USH1G: variants seen among roughly 807,000 people sequenced by gnomAD.
The protein encoded by USH1G is pre-mRNA splicing regulator USH1G.
A neutral mutation model predicts 31.9 loss-of-function variants in USH1G; 27 were observed. That is an observed-to-expected ratio of 0.85 (90% CI 0.62 to 1.17). The LOEUF is 1.17. Among genes scored for constraint, USH1G ranks in the 50% most tolerant of loss-of-function variants. USH1G has a pLI of 0.00. For missense variants in USH1G, 674 were observed against 638.9 expected (o/e 1.05, Z -0.59); for synonymous variants, 266 against 283.2 (o/e 0.94, Z 0.61).
Position 74,916,653 on chromosome 17 carries a change from C to T in USH1G, c.*1420G>A, listed in dbSNP as rs945508092. 1.3e-5 allele frequency: 2 copies of T among 152,298 alleles called. No individual in the cohort carries two copies. Among genetic ancestry groups the T allele is most frequent in the African/African-American group, 4.8e-5 (2 of 41,452 alleles). The allele number at this position is 152,298 out of a possible 1,614,324, so 9.4% of individuals were successfully genotyped here. ...GTCAGCGGGCTCATCAGGGACTCTC[C>T]CACATCTGTGACCTCAGTCTGGCTG... On this transcript the variant is annotated 3_prime_UTR_variant, in exon 3 of 3. Transcript: ENST00000614341.
At position 74,917,066 on chromosome 17, in the gene USH1G, G is replaced by A. The variant is rs918486002; in HGVS notation, c.*1007C>T. 1.9e-4 allele frequency: 29 copies of A among 152,150 alleles called. No individual in the cohort carries two copies. The highest frequency in any genetic ancestry group is 4.1e-4 in the South Asian group (2 of 4,824). 9.4% of individuals were successfully genotyped at this position (152,150 alleles called of 1,614,324 possible). A position where few individuals can be genotyped will look rare whatever the true frequency, so the allele number is the denominator to read the frequency against. ...CTTACACACACATGCATGCACACAC[G>A]CATACATGCACACAAACATGCACAC... On this transcript the variant is annotated 3_prime_UTR_variant, in exon 3 of 3. Coordinates refer to ENST00000614341, the MANE Select transcript of USH1G (RefSeq NM_173477.5).
Position 74,919,591 on chromosome 17 carries a change from G to A in USH1G, c.1245C>T (p.Leu415=), listed in dbSNP as rs2038907893. The A allele has an allele frequency of 3.7e-6, 6 of 1,612,630 alleles. No individual in the cohort carries two copies. The Admixed American group carries it at 8.3e-5, about 22-fold the overall frequency. ...AALLRQEKID[L]EALMLCSDLD... is the part of the protein sequence containing the mutation. ...GGTCAGAGCACAGCATCAAAGCCTC[G>A]AGGTCGATCTTCTCCTGCCGCAGGA... Residue 415 remains leucine, a synonymous_variant, in exon 2 of 3, where the codon CTC becomes CTT. Transcript: ENST00000614341. The surrounding 1 kb of genome is among the most constrained non-coding windows in gnomAD (Gnocchi z 4.5).
Position 74,923,131 on chromosome 17 carries a change from G to A in USH1G, c.-58C>T. 2 of 1,502,696 alleles carry A rather than the reference G, an allele frequency of 1.3e-6. No homozygotes were observed. Among genetic ancestry groups the A allele is most frequent in the Non-Finnish European group, 1.8e-6 (2 of 1,116,124 alleles). 93.1% of individuals were successfully genotyped at this position (1,502,696 alleles called of 1,614,324 possible). A position where few individuals can be genotyped will look rare whatever the true frequency, so the allele number is the denominator to read the frequency against. ...ACGGAGAAAGGCCCCCCGCAGGGGA[G>A]GGCGGCGGTATTAGGGCTGAGGCAT... On this transcript the variant is annotated 5_prime_UTR_variant, in exon 1 of 3. Transcript: ENST00000614341. The surrounding 1 kb of genome is among the most constrained non-coding windows in gnomAD (Gnocchi z 5.3).
At position 74,916,891 on chromosome 17, in the gene USH1G, G is replaced by GCA. The variant is rs746904393; in HGVS notation, c.*1180_*1181dup. On this transcript the variant is annotated 3_prime_UTR_variant, in exon 3 of 3. Coordinates refer to ENST00000614341, the MANE Select transcript of USH1G (RefSeq NM_173477.5). ...CGTGAGTGTGCACACACGCACACAT[G>GCA]CACACACACACACATGCATGCACAC... 46 of 152,410 alleles carry GCA rather than the reference G, an allele frequency of 3.0e-4. No homozygotes were observed. Among genetic ancestry groups the GCA allele is most frequent in the Middle Eastern group, 3.4e-3 (1 of 298 alleles). The allele number at this position is 152,410 out of a possible 1,614,324, so 9.4% of individuals were successfully genotyped here.
chr17:74,920,473 C>A lies in USH1G; in HGVS notation c.363G>T (p.Ala121=). 6.2e-7 allele frequency: 1 copy of A among 1,613,770 alleles called. No homozygotes were observed. The highest frequency in any genetic ancestry group is 8.5e-7 in the Non-Finnish European group (1 of 1,180,034). ...TGGGGTTGAGGCTGCTCTGCTTGGC[C>A]GCGATGGAGTCCAGGTAGCGCACGC... ...MECVRYLDSI[A]AKQSSLNPKL... The change falls in exon 2 of 3, where the codon GCG becomes GCT. Residue 121 remains alanine, a synonymous_variant. Coordinates refer to ENST00000614341, the MANE Select transcript of USH1G (RefSeq NM_173477.5). This position sits in a 1 kb window ranked among gnomAD's most constrained non-coding sequence, Gnocchi z 5.2.
In USH1G at chr17:74,916,961, G is replaced by A. The variant is rs114353953; in HGVS notation, c.*1112C>T. On this transcript the variant is annotated 3_prime_UTR_variant, in exon 3 of 3. Coordinates refer to ENST00000614341, the MANE Select transcript of USH1G (RefSeq NM_173477.5). The stretch of plus-strand genomic sequence containing the variant: ...CATGCACACACACAAACACGCACGC[G>A]TTCACGTGCACACACACGCACACAT... 2,694 of 150,610 alleles carry A rather than the reference G, an allele frequency of 0.018. 79 individuals carry two copies. The highest frequency in any genetic ancestry group is 0.063 in the African/African-American group (2,550 of 40,556). The allele number at this position is 150,610 out of a possible 1,614,324, so 9.3% of individuals were successfully genotyped here.
chr17:74,920,195 G>C lies in USH1G; in HGVS notation c.641C>G (p.Thr214Ser). ...ATLHGTARGKTKMQKKLERRK... is the reference protein window; with the variant it reads ...ATLHGTARGKSKMQKKLERRK... Reference sequence around the variant, plus strand: ...CCGCTCCAGCTTCTTCTGCATCTTGGTCTTGCCCCTGGCCGTGCCGTGCAG... The same window carrying C: ...CCGCTCCAGCTTCTTCTGCATCTTGCTCTTGCCCCTGGCCGTGCCGTGCAG... Residue 214 changes from threonine (T) to serine (S), a missense_variant, in exon 2 of 3, where the codon ACC becomes AGC. Coordinates refer to ENST00000614341, the MANE Select transcript of USH1G (RefSeq NM_173477.5). The surrounding 1 kb of genome is among the most constrained non-coding windows in gnomAD (Gnocchi z 5.2). 6.2e-7 allele frequency: 1 copy of C among 1,602,334 alleles called. No homozygotes were observed. Among genetic ancestry groups the C allele is most frequent in the South Asian group, 1.1e-5 (1 of 91,082 alleles).
intron 1 of USH1G, among the ~76,000 whole-genome samples, chr17:74,922,668 C>G (rs1267985799): frequency 6.6e-6 from 1 of 152,088 alleles, no homozygotes; most frequent in African/African-American, 2.4e-5. Flanking sequence ...CTGCAGCAAC[C>G]CCCCATAATC....
In USH1G at chr17:74,920,024, G is replaced by A; in HGVS notation, c.812C>T (p.Pro271Leu). ...YANPKEWGRA[P>L]LRDMFLSDED... The stretch of plus-strand genomic sequence containing the variant: ...GTCCGAGAGGAACATGTCCCGGAGC[G>A]GGGCTCGGCCCCACTCCTTGGGATT... Residue 271 changes from proline to leucine, a missense_variant, in exon 2 of 3, where the codon CCG becomes CTG. By Grantham distance (98) the Pro-to-Leu change is moderately conservative. Coordinates refer to ENST00000614341, the MANE Select transcript of USH1G (RefSeq NM_173477.5). This position sits in a 1 kb window ranked among gnomAD's most constrained non-coding sequence, Gnocchi z 5.2. The A allele has an allele frequency of 9.3e-6, 15 of 1,611,528 alleles. No individual in the cohort carries two copies. The highest frequency in any genetic ancestry group is 1.2e-5 in the Non-Finnish European group (14 of 1,179,708).
Position 74,916,270 on chromosome 17 carries a change from C to G in USH1G, c.*1803G>C, listed in dbSNP as rs1245487190. On this transcript the variant is annotated 3_prime_UTR_variant, in exon 3 of 3. Coordinates refer to ENST00000614341, the MANE Select transcript of USH1G (RefSeq NM_173477.5). The stretch of plus-strand genomic sequence containing the variant: ...ACCTGGGGCTCTGGGAGAAACAAGT[C>G]GGCACTTGGGGGTGGCCCCAGGCTC... 1 of 152,278 alleles carries G rather than the reference C, an allele frequency of 6.6e-6. No homozygotes were observed. The highest frequency in any genetic ancestry group is 1.5e-5 in the Non-Finnish European group (1 of 68,136). The allele number at this position is 152,278 out of a possible 1,614,324, so 9.4% of individuals were successfully genotyped here. A position where few individuals can be genotyped will look rare whatever the true frequency, so the allele number is the denominator to read the frequency against.
rs1283382198 is a variant in USH1G, at chr17:74,920,146, G to A, written c.690C>T (p.Thr230=). 4 of 1,602,348 alleles carry A rather than the reference G, an allele frequency of 2.5e-6. No homozygotes were observed. In the South Asian group the frequency reaches 4.4e-5, roughly 18 times the overall value. The change falls in exon 2 of 3, where the codon ACC becomes ACT. Residue 230 remains threonine (T), a synonymous_variant. Transcript: ENST00000614341. The surrounding 1 kb of genome is among the most constrained non-coding windows in gnomAD (Gnocchi z 5.2). The stretch of plus-strand genomic sequence containing the variant: ...TGCGCCCATCCTCGGAGACCTTGAA[G>A]GTGCCTTCGCCGCCCTGCTTGCGCC... ...LERRKQGGEG[T]FKVSEDGRKS...
At position 74,923,080 on chromosome 17, in the gene USH1G, C is replaced by G. The variant is rs746585611; in HGVS notation, c.-7G>C. Reference sequence around the variant, plus strand: ...GGTGGTACTGGTCGTTCATGGCGCCCGAAGTGGACGGGGCGGGCGGGGGAC... The same window carrying G: ...GGTGGTACTGGTCGTTCATGGCGCCGGAAGTGGACGGGGCGGGCGGGGGAC... On this transcript the variant is annotated 5_prime_UTR_variant, in exon 1 of 3. Transcript: ENST00000614341. This position sits in a 1 kb window ranked among gnomAD's most constrained non-coding sequence, Gnocchi z 5.3. The G allele has an allele frequency of 2.5e-6, 4 of 1,576,814 alleles. No homozygotes were observed. Among genetic ancestry groups the G allele is most frequent in the Non-Finnish European group, 3.5e-6 (4 of 1,159,354 alleles).
chr17:74,919,822 C>T lies in USH1G; in HGVS notation c.1014G>A (p.Gly338=). The part of the protein sequence containing the change: ...GLGREDGGLD[G]VGAPRGRLQS... ...GCAGCCGACCCCGCGGCGCTCCCAC[C>T]CCATCCAGACCCCCATCCTCGCGGC... Residue 338 remains glycine, a synonymous_variant, in exon 2 of 3, where the codon GGG becomes GGA. Transcript: ENST00000614341. This position sits in a 1 kb window ranked among gnomAD's most constrained non-coding sequence, Gnocchi z 4.5. 6.2e-7 allele frequency: 1 copy of T among 1,613,000 alleles called. No individual in the cohort carries two copies. Among genetic ancestry groups the T allele is most frequent in the Non-Finnish European group, 8.5e-7 (1 of 1,179,958 alleles).
At position 74,921,030 on chromosome 17, in the gene USH1G, G is replaced by A. The variant is rs2038936437; in HGVS notation, c.165-359C>T. 6.6e-6 allele frequency among the ~76,000 whole-genome samples: 1 copy of A among 151,880 alleles called. No homozygotes were observed. The highest frequency in any genetic ancestry group is 1.5e-5 in the Non-Finnish European group (1 of 67,930). ...TGGGGCCCAGCACAGAGCTGGCCCA[G>A]AGCGCTGGTGGGCCAGGGCCGCGTC... On this transcript the variant is annotated intron_variant, in intron 1 of 2. Transcript: ENST00000614341. The surrounding 1 kb of genome is among the most constrained non-coding windows in gnomAD (Gnocchi z 4.6).
rs769073148 is a variant in USH1G, at chr17:74,920,291, G to A, written c.545C>T (p.Thr182Met). Residue 182 changes from threonine to methionine, a missense_variant, in exon 2 of 3, where the codon ACG (threonine) becomes ATG (methionine). Physicochemically the swap from Thr to Met is moderately conservative, Grantham distance 81. Transcript: ENST00000614341. This position sits in a 1 kb window ranked among gnomAD's most constrained non-coding sequence, Gnocchi z 5.2. Reference protein sequence around the residue: ...RSDTLSFSSLTSSTLSRRLQH... With the variant: ...RSDTLSFSSLMSSTLSRRLQH... The stretch of plus-strand genomic sequence containing the variant: ...CAGCCGGCGGCTCAGGGTGCTGGAC[G>A]TGAGGCTGGAGAAGCTGAGGGTGTC... The A allele has an allele frequency of 5.0e-6, 8 of 1,605,054 alleles. No individual in the cohort carries two copies. The South Asian group carries it at 5.5e-5, about 11-fold the overall frequency.
chr17:74,923,077 G>A lies in USH1G; in HGVS notation c.-4C>T. The stretch of plus-strand genomic sequence containing the variant: ...CCCGGTGGTACTGGTCGTTCATGGC[G>A]CCCGAAGTGGACGGGGCGGGCGGGG... On this transcript the variant is annotated 5_prime_UTR_variant, in exon 1 of 3. Coordinates refer to ENST00000614341, the MANE Select transcript of USH1G (RefSeq NM_173477.5). The surrounding 1 kb of genome is among the most constrained non-coding windows in gnomAD (Gnocchi z 5.3). 1.3e-6 allele frequency: 2 copies of A among 1,578,532 alleles called. No homozygotes were observed. Among genetic ancestry groups the A allele is most frequent in the Non-Finnish European group, 1.7e-6 (2 of 1,160,212 alleles).
Position 74,917,892 on chromosome 17 carries a change from TG to T in USH1G, c.*180del. 1 of 754,764 alleles carries T rather than the reference TG, an allele frequency of 1.3e-6. No individual in the cohort carries two copies. The highest frequency in any genetic ancestry group is 2.3e-6 in the Non-Finnish European group (1 of 442,848). 46.8% of individuals were successfully genotyped at this position (754,764 alleles called of 1,614,324 possible). A position where few individuals can be genotyped will look rare whatever the true frequency, so the allele number is the denominator to read the frequency against. On this transcript the variant is annotated 3_prime_UTR_variant, in exon 3 of 3. Coordinates refer to ENST00000614341, the MANE Select transcript of USH1G (RefSeq NM_173477.5). ...GTTCCGGAACATTCTCTTGCCCCTC[TG>T]GTGCCTCCAGGCCACACCCTCAGCT...
rs543740524 is a variant in USH1G at position 74,921,723 on chromosome 17, G to A, written c.165-1052C>T. ...AATCCTGGTCTCTGGAGGAGTTGGG[G>A]CTTGGTGTACCCAAGGGGAGCCCTC... On this transcript the variant is annotated intron_variant, in intron 1 of 2. Coordinates refer to ENST00000614341, the MANE Select transcript of USH1G (RefSeq NM_173477.5). This position sits in a 1 kb window ranked among gnomAD's most constrained non-coding sequence, Gnocchi z 4.6. 9.2e-5 allele frequency among the ~76,000 whole-genome samples: 14 copies of A among 152,298 alleles called. No individual in the cohort carries two copies. The highest frequency in any genetic ancestry group is 3.3e-4 in the Admixed American group (5 of 15,308).
chr17:74,920,533 C>T lies in USH1G; in HGVS notation c.303G>A (p.Pro101=). The change falls in exon 2 of 3, where the codon CCG becomes CCA. Residue 101 remains proline (P), a synonymous_variant. Transcript: ENST00000614341. The surrounding 1 kb of genome is among the most constrained non-coding windows in gnomAD (Gnocchi z 5.2). Reference sequence around the variant, plus strand: ...GGCCCTTCATGGCAGCCATGTCCAGCGGCGTGTGGTAGTCGTTGTCTAGGC... The same window carrying T: ...GGCCCTTCATGGCAGCCATGTCCAGTGGCGTGTGGTAGTCGTTGTCTAGGC... ...IWCLDNDYHT[P]LDMAAMKGHM... 2 of 1,613,670 alleles carry T rather than the reference C, an allele frequency of 1.2e-6. No individual in the cohort carries two copies. The highest frequency in any genetic ancestry group is 1.7e-6 in the Non-Finnish European group (2 of 1,180,032).
Sources: gnomAD v4.1 joint callset for allele counts (sites outside exome capture counted in the v4.1 genomes callset) on GRCh38, gnomAD v4.1.1 for gene constraint, Gnocchi (gnomAD v3.1) non-coding constraint, MANE v1.5 for transcripts, NCBI Gene and HGNC (gene_info 2026-07-23, HGNC 2026-07-21) for gene names.